LRP1B: variants seen among roughly 807,000 people sequenced by gnomAD.
LRP1B encodes LDL receptor related protein 1B, also known as low-density lipoprotein receptor-related protein 1B.
Under a neutral mutation model 556.6 loss-of-function variants are expected in LRP1B, and 217 were observed. The observed-to-expected ratio is 0.39, with a 90% CI of 0.35 to 0.44. The LOEUF is 0.44. Ranked by LOEUF, LRP1B falls within the 20% of genes least tolerant of loss-of-function variation. The pLI is 1.00. For synonymous variants in LRP1B, 2,047 were observed against 1,865.8 expected, an observed-to-expected ratio of 1.10 and a Z score of -2.50; for missense variants, 5,053 against 5,620.8, an observed-to-expected ratio of 0.90 and a Z score of 3.23.
intron 68 of LRP1B, among the ~76,000 whole-genome samples, chr2:140,376,653 G>A (rs1683245314): frequency 6.6e-6 from 1 of 151,980 alleles, no homozygotes; most frequent in African/African-American, 2.4e-5. Flanking sequence ...TTTTTCTCTT[G>A]AGCGACCTTT....
intron 2 of LRP1B, among the ~76,000 whole-genome samples, chr2:141,709,105 C>T (rs935286782): frequency 4.6e-5 from 7 of 152,028 alleles, no homozygotes; most frequent in African/African-American, 1.7e-4. Flanking sequence ...AATCACAGTA[C>T]TTTGGGAGGC....
At chr2:141,136,507 A>G (rs1208293770) in intron 7 of LRP1B, among the ~76,000 whole-genome samples, 1 of 151,708 alleles carries the variant, frequency 6.6e-6, no homozygotes, top group Admixed American at 6.6e-5. Flanking sequence ...AGGGACTTTA[A>G]ATTTTATTTC....
intron 2 of LRP1B, among the ~76,000 whole-genome samples, chr2:141,598,490 T>C (rs555372218): frequency 3.8e-4 from 58 of 152,134 alleles, no homozygotes; most frequent in Non-Finnish European, 6.8e-4. Context: ...GTCTTCTAAA[T>C]GGAAAATTCC....
chr2:141,830,846 T>C (rs909028305), intron 1 of LRP1B, among the ~76,000 whole-genome samples: 1 of 151,850 alleles, frequency 6.6e-6, no homozygotes, highest in African/African-American at 2.4e-5. Context: ...TGATGCTTTC[T>C]CCTGAACAAG....
At chr2:141,688,434 T>A (rs1374514694) in intron 2 of LRP1B, among the ~76,000 whole-genome samples, 1 of 151,900 alleles carries the variant, frequency 6.6e-6, no homozygotes, top group Non-Finnish European at 1.5e-5. Flanking sequence ...CACATATTTT[T>A]AAAAACCTGA....
At chr2:141,411,654 A>G (rs915278939) in intron 3 of LRP1B, among the ~76,000 whole-genome samples, 2 of 152,114 alleles carry the variant, frequency 1.3e-5, no homozygotes, top group East Asian at 1.9e-4. Context: ...GTGTCTGTGT[A>G]TTCTGTCCTG....
intron 7 of LRP1B, among the ~76,000 whole-genome samples, chr2:141,081,873 G>T (rs1021755378): frequency 1.3e-5 from 2 of 152,046 alleles, no homozygotes; most frequent in African/African-American, 4.8e-5. Flanking sequence ...TCACAGATTT[G>T]CCAGACAATA....
chr2:141,538,342 T>C lies in LRP1B; in HGVS notation c.206-57809A>G, dbSNP rs181643254. 1.0e-3 allele frequency among the ~76,000 whole-genome samples: 157 copies of C among 152,242 alleles called. 1 individual carries two copies. The highest frequency in any genetic ancestry group is 3.6e-3 in the African/African-American group (150 of 41,556). ...GTGAGCTTTAGTTCAAAATCTTCCC[T>C]CTCTCGCTTCTATAGTAAATGACAA... is the stretch of plus-strand genomic sequence containing the variant. On this transcript the variant is annotated intron_variant, in intron 2 of 90. Transcript: ENST00000389484.
At chr2:141,996,726 A>T (rs1702503296) in intron 1 of LRP1B, among the ~76,000 whole-genome samples, 1 of 140,134 alleles carries the variant, frequency 7.1e-6, no homozygotes, top group Non-Finnish European at 1.5e-5. Flanking sequence ...CCCCCCCTAC[A>T]AACTAGTGAC....
intron 2 of LRP1B, among the ~76,000 whole-genome samples, chr2:141,617,098 A>T (rs559553941): frequency 6.6e-6 from 1 of 152,166 alleles, no homozygotes; most frequent in East Asian, 1.9e-4. Context: ...TCATCGGGGT[A>T]TATCTCTATA....
chr2:141,076,808 A>G (rs1403261140), intron 7 of LRP1B, among the ~76,000 whole-genome samples: 1 of 152,248 alleles, frequency 6.6e-6, no homozygotes, highest in Non-Finnish European at 1.5e-5. Flanking sequence ...ATACAAAACA[A>G]GATCATTGAG....
At position 140,324,436 on chromosome 2, in the gene LRP1B, G is replaced by A. The variant is rs370849165; in HGVS notation, c.12341-370C>T. On this transcript the variant is annotated intron_variant, in intron 80 of 90. Transcript: ENST00000389484. The stretch of plus-strand genomic sequence containing the variant: ...AGGCAATTTACACAACTCAGTTTGT[G>A]TTCTGGATCAAATAAATGATCAAAT... 5.9e-5 allele frequency among the ~76,000 whole-genome samples: 9 copies of A among 152,086 alleles called. 1 individual carries two copies. The highest frequency in any genetic ancestry group is 2.2e-4 in the African/African-American group (9 of 41,532).
At chr2:141,119,543 T>C (rs979794256) in intron 7 of LRP1B, among the ~76,000 whole-genome samples, 3 of 151,886 alleles carry the variant, frequency 2.0e-5, no homozygotes, top group East Asian at 1.9e-4. Context: ...ACGTATGCCA[T>C]TGTCATGCAT....
At chr2:141,476,736 C>T (rs539635297) in intron 3 of LRP1B, among the ~76,000 whole-genome samples, 1 of 152,172 alleles carries the variant, frequency 6.6e-6, no homozygotes, top group East Asian at 1.9e-4. Context: ...ATTCCCAGGA[C>T]CAGAACATCA....
At chr2:140,587,655 C>T (rs1050866338) in intron 43 of LRP1B, among the ~76,000 whole-genome samples, 5 of 151,994 alleles carry the variant, frequency 3.3e-5, no homozygotes, top group African/African-American at 4.8e-5. Flanking sequence ...AGATAAATAG[C>T]ACAAAAATTA....
At chr2:140,585,160 G>A (rs1430811219) in intron 43 of LRP1B, among the ~76,000 whole-genome samples, 9 of 152,052 alleles carry the variant, frequency 5.9e-5, no homozygotes, top group African/African-American at 2.2e-4. Flanking sequence ...TGTAGTGAAT[G>A]TAGTTACACA....
At chr2:141,852,224 A>T (rs1246153965) in intron 1 of LRP1B, among the ~76,000 whole-genome samples, 2 of 151,736 alleles carry the variant, frequency 1.3e-5, no homozygotes, top group African/African-American at 4.8e-5. Context: ...ATGGGGTCTT[A>T]TATTAGCACA....
intron 6 of LRP1B, among the ~76,000 whole-genome samples, chr2:141,223,433 A>G (rs951556382): frequency 3.9e-5 from 6 of 152,242 alleles, no homozygotes; most frequent in Admixed American, 2.0e-4. Context: ...AGAAGAATCA[A>G]TATTATGAAA....
chr2:141,041,368 C>T (rs899461263), intron 11 of LRP1B, among the ~76,000 whole-genome samples: 2 of 152,072 alleles, frequency 1.3e-5, no homozygotes, highest in Non-Finnish European at 2.9e-5. Flanking sequence ...GGGCTAAAGT[C>T]TAGGTGCAAG....
Sources: allele counts gnomAD v4.1 joint callset (sites outside exome capture counted in the v4.1 genomes callset), GRCh38; gene constraint gnomAD v4.1.1; transcripts MANE v1.5; gene names NCBI Gene and HGNC (gene_info 2026-07-23, HGNC 2026-07-21).